NOS1: variants seen among roughly 807,000 people sequenced by gnomAD.
The protein encoded by NOS1 is NOS type I.
In NOS1, 51 loss-of-function variants were observed where a neutral mutation model predicts 164.5. The ratio of observed to expected loss-of-function variants is 0.31; its 90% CI spans 0.25 to 0.39. The LOEUF (loss-of-function observed/expected upper bound fraction) is 0.39, where lower values mean the gene tolerates loss of function less well. Ranked by LOEUF, NOS1 falls within the 10% of genes least tolerant of loss-of-function variation. The pLI is 1.00. For missense variants in NOS1, 1,362 were observed against 1,885.6 expected, an observed-to-expected ratio of 0.72 and a Z score of 5.14; for synonymous variants, 719 against 745.8, an observed-to-expected ratio of 0.96 and a Z score of 0.59.
chr12:117,209,029 G>A lies in NOS1; in HGVS notation c.*6280C>T, dbSNP rs1956488404. 1.6e-5 allele frequency: 16 copies of A among 985,118 alleles called. No homozygotes were observed. The highest frequency in any genetic ancestry group is 4.7e-5 in the South Asian group (1 of 21,278). The allele number at this position is 985,118 out of a possible 1,614,324, so 61.0% of individuals were successfully genotyped here. A position where few individuals can be genotyped will look rare whatever the true frequency, so the allele number is the denominator to read the frequency against. ...TGAGCCACCACGCCTGGCCTGGGAG[G>A]GGTTTTTGAAAGCATACTGCCCTCC... is the stretch of plus-strand genomic sequence containing the variant. On this transcript the variant is annotated 3_prime_UTR_variant, in exon 29 of 29. Coordinates refer to ENST00000317775, the MANE Select transcript of NOS1 (RefSeq NM_000620.5).
intron 26 of NOS1, among the ~76,000 whole-genome samples, chr12:117,221,174 G>A (rs1956699509): frequency 7.6e-6 from 1 of 132,024 alleles, no homozygotes; most frequent in African/African-American, 3.1e-5. Context: ...TTATTTTTGA[G>A]ACAGAGTCTT....
chr12:117,285,369 T>C (rs747614553), intron 6 of NOS1, 37 bp from the exon 7 acceptor site: 20 of 1,427,530 alleles, frequency 1.4e-5, no homozygotes, highest in Admixed American at 5.2e-5. Flanking sequence ...TTGCCTCTTC[T>C]TTCCCTCCCC....
In NOS1 at chr12:117,212,490, C is replaced by A; in HGVS notation, c.*2819G>T. On this transcript the variant is annotated 3_prime_UTR_variant, in exon 29 of 29. Transcript: ENST00000317775. ...TTAACATCATCTCTCTGCTCTTTCA[C>A]GACACAAGCTGTGGGAACTGGATGC... The A allele has an allele frequency of 1.7e-5, 17 of 985,398 alleles. No homozygotes were observed. The highest frequency in any genetic ancestry group is 2.0e-5 in the Non-Finnish European group (17 of 829,946). The allele number at this position is 985,398 out of a possible 1,614,324, so 61.0% of individuals were successfully genotyped here.
chr12:117,328,462 C>T (rs779509155), intron 2 of NOS1, among the ~76,000 whole-genome samples: 3 of 152,228 alleles, frequency 2.0e-5, no homozygotes, highest in Non-Finnish European at 4.4e-5. Flanking sequence ...AGCCACCTTG[C>T]CTGGCGGTAT....
intron 7 of NOS1, among the ~76,000 whole-genome samples, chr12:117,281,456 G>A (rs1873649014): frequency 7.5e-6 from 1 of 133,200 alleles, no homozygotes; most frequent in African/African-American, 2.8e-5. Flanking sequence ...GGAGGCAGAG[G>A]TTTCAGTAAG....
At chr12:117,347,297 G>GA (rs34618211) in intron 1 of NOS1, among the ~76,000 whole-genome samples, 34 of 140,508 alleles carry the variant, frequency 2.4e-4, no homozygotes, top group African/African-American at 2.4e-4. Context: ...TCAAAACAAG[G>GA]AAAAAAAAAA....
In NOS1 at chr12:117,243,360, G is replaced by A. The variant is rs1219055924; in HGVS notation, c.2899C>T (p.Arg967Cys). 11 of 1,614,006 alleles carry A rather than the reference G, an allele frequency of 6.8e-6. No individual in the cohort carries two copies. Among genetic ancestry groups the A allele is most frequent in the Admixed American group, 3.3e-5 (2 of 59,988 alleles). The change falls in exon 19 of 29, where the codon CGC (arginine) becomes TGC (cysteine). Residue 967 changes from arginine (R) to cysteine (C), a missense_variant. Transcript: ENST00000317775. The surrounding 1 kb of genome is among the most constrained non-coding windows in gnomAD (Gnocchi z 4.3). ...KANNSLISND[R>C]SWKRNKFRLT... ...CGGAACTTGTTTCTCTTCCAGCTGC[G>A]ATCATTGCTGATGAGGGAATTGTTG...
chr12:117,257,607 CTTTTTTTT>C (rs151304592), intron 16 of NOS1, among the ~76,000 whole-genome samples: 22 of 99,128 alleles, frequency 2.2e-4, no homozygotes, highest in East Asian at 6.5e-4. Flanking sequence ...TTGATTTTAG[CTTTTTTTT>C]TTTTTTTTTT....
chr12:117,267,230 A>T (rs945959886), intron 11 of NOS1, among the ~76,000 whole-genome samples: 1 of 152,230 alleles, frequency 6.6e-6, no homozygotes, highest in African/African-American at 2.4e-5. Context: ...TGGTTGGCCC[A>T]GGAGAATCCT....
intron 11 of NOS1, among the ~76,000 whole-genome samples, chr12:117,266,544 CTT>C (rs1169084932): frequency 1.4e-5 from 2 of 139,598 alleles, no homozygotes; most frequent in Admixed American, 7.2e-5. Flanking sequence ...TTTTTCTTTT[CTT>C]TTTTTTTTTG....
chr12:117,238,474 A>G (rs2893707), intron 20 of NOS1, among the ~76,000 whole-genome samples: 1 of 151,978 alleles, frequency 6.6e-6, no homozygotes, highest in Non-Finnish European at 1.5e-5. Flanking sequence ...CCATTTCTCC[A>G]GGACCCCTCT....
intron 16 of NOS1, among the ~76,000 whole-genome samples, chr12:117,257,607 CTTTTT>C (rs151304592): frequency 0.012 from 1,144 of 99,096 alleles, 5 homozygotes; most frequent in African/African-American, 0.025. Context: ...TTGATTTTAG[CTTTTT>C]TTTTTTTTTT....
At chr12:117,299,644 A>C (rs1873677135) in intron 3 of NOS1, among the ~76,000 whole-genome samples, 1 of 143,814 alleles carries the variant, frequency 7.0e-6, no homozygotes. Context: ...CCAAAAAAAA[A>C]AAAAAGAAAA....
chr12:117,298,665 T>G (rs1873590794), intron 3 of NOS1, among the ~76,000 whole-genome samples: 1 of 152,172 alleles, frequency 6.6e-6, no homozygotes, highest in Non-Finnish European at 1.5e-5. Context: ...AAGGCAGATG[T>G]GCTCACAGGG....
At chr12:117,359,966 C>A (rs1877059335) in intron 1 of NOS1, among the ~76,000 whole-genome samples, 1 of 123,146 alleles carries the variant, frequency 8.1e-6, no homozygotes, top group South Asian at 2.7e-4. Flanking sequence ...TGAACGCTTA[C>A]CCTGACTTCA....
chr12:117,330,002 G>A lies in NOS1; in HGVS notation c.725+343C>T, dbSNP rs1198009331. 6.6e-6 allele frequency among the ~76,000 whole-genome samples: 1 copy of A among 152,128 alleles called. No individual in the cohort carries two copies. Among genetic ancestry groups the A allele is most frequent in the Non-Finnish European group, 1.5e-5 (1 of 68,016 alleles). On this transcript the variant is annotated intron_variant, in intron 2 of 28. Coordinates refer to ENST00000317775, the MANE Select transcript of NOS1 (RefSeq NM_000620.5). The surrounding 1 kb of genome is among the most constrained non-coding windows in gnomAD (Gnocchi z 4.6). The stretch of plus-strand genomic sequence containing the variant: ...AGGGCAGCCTCCACTCCGAGCCTCC[G>A]TCTTCTCACTTGTGAAACATAGATT...
Position 117,234,798 on chromosome 12 carries a change from C to A in NOS1, c.3042-40G>T. On this transcript the variant is annotated intron_variant, in intron 20 of 28. Coordinates refer to ENST00000317775, the MANE Select transcript of NOS1 (RefSeq NM_000620.5). The surrounding 1 kb of genome is among the most constrained non-coding windows in gnomAD (Gnocchi z 4.3). ...AGAGGAATCATAGGACAAGGGCCAG[C>A]AGCTACTTCCTCCTTTTTTTGCTCT... is the stretch of plus-strand genomic sequence containing the variant. 1 of 1,536,376 alleles carries A rather than the reference C, an allele frequency of 6.5e-7. No homozygotes were observed. The highest frequency in any genetic ancestry group is 8.9e-7 in the Non-Finnish European group (1 of 1,129,658).
At chr12:117,338,017 C>G (rs1875919632) in intron 1 of NOS1, among the ~76,000 whole-genome samples, 1 of 152,100 alleles carries the variant, frequency 6.6e-6, no homozygotes, top group Non-Finnish European at 1.5e-5. Context: ...GAGTTCAAGA[C>G]CAGCCTGGCC....
Position 117,225,029 on chromosome 12 carries a change from A to G in NOS1, c.3813T>C (p.Asp1271=), listed in dbSNP as rs772096808. 1.5e-5 allele frequency: 25 copies of G among 1,614,056 alleles called. 1 individual carries two copies. The Admixed American group carries it at 2.2e-4, about 14-fold the overall frequency. ...FRSFWQQRQF[D]IQHKGMNPCP... is the part of the protein sequence containing the mutation. Reference sequence around the variant, plus strand: ...ACTGTAACCCACCTTTGTGTTGGATATCAAATTGCCGCTGTTGCCAGAAGC... The same window carrying G: ...ACTGTAACCCACCTTTGTGTTGGATGTCAAATTGCCGCTGTTGCCAGAAGC... The change falls in exon 25 of 29, where the codon GAT becomes GAC. Residue 1271 remains aspartate, a synonymous_variant. Transcript: ENST00000317775.
Sources: gnomAD v4.1 joint callset for allele counts (sites outside exome capture counted in the v4.1 genomes callset) on GRCh38, gnomAD v4.1.1 for gene constraint, Gnocchi (gnomAD v3.1) non-coding constraint, MANE v1.5 for transcripts, NCBI Gene and HGNC (gene_info 2026-07-23, HGNC 2026-07-21) for gene names.